FARP1: variants seen among roughly 807,000 people sequenced by gnomAD.
The protein encoded by FARP1 is FERM, ARHGEF and pleckstrin domain-containing protein 1.
FARP1 carries 52 observed loss-of-function variants against 128.8 expected under a neutral mutation model. The ratio of observed to expected loss-of-function variants is 0.40; its 90% confidence interval spans 0.32 to 0.51. FARP1 has a LOEUF of 0.51. Ranked by LOEUF, FARP1 falls within the 20% of genes least tolerant of loss-of-function variation. The pLI, the probability that FARP1 is intolerant of heterozygous loss-of-function variation, is 0.45. For missense variants in FARP1, 1,333 were observed against 1,367.9 expected, an observed-to-expected ratio of 0.97 and a Z score of 0.40; for synonymous variants, 580 against 551.8, an observed-to-expected ratio of 1.05 and a Z score of -0.72.
rs1000985413 is a variant in FARP1, at chr13:98,343,880, A to G, written c.276+14A>G. 10 of 1,502,142 alleles carry G rather than the reference A, an allele frequency of 6.7e-6. No homozygotes were observed. The African/African-American group carries it at 8.3e-5, about 12-fold the overall frequency. The allele number at this position is 1,502,142 out of a possible 1,614,324, so 93.1% of individuals were successfully genotyped here. ...AAAAAGATCACGGTAGGTGATGTCA[A>G]CTTAATGTTACTATTTTACTGTCTG... On this transcript the variant is annotated intron_variant, in intron 3 of 26. Transcript: ENST00000319562.
chr13:98,370,453 ATGG>A (rs1889277960), intron 5 of FARP1, among the ~76,000 whole-genome samples: 1 of 151,258 alleles, frequency 6.6e-6, no homozygotes, highest in Non-Finnish European at 1.5e-5. Context: ...AGCAGTAGAA[ATGG>A]AGGCAAGTAG....
chr13:98,419,013 T>C (rs1891491426), intron 16 of FARP1, among the ~76,000 whole-genome samples: 2 of 152,138 alleles, frequency 1.3e-5, no homozygotes, highest in African/African-American at 4.8e-5. Context: ...AGGGCTTCTG[T>C]CTTCTGTGTT....
At chr13:98,443,482 C>G (rs1892614997) in intron 24 of FARP1, among the ~76,000 whole-genome samples, 1 of 152,246 alleles carries the variant, frequency 6.6e-6, no homozygotes, top group Non-Finnish European at 1.5e-5. Context: ...CTCCTCCCTG[C>G]ATGACAGGAC....
At chr13:98,362,281 C>T (rs1450694851) in intron 3 of FARP1, among the ~76,000 whole-genome samples, 1 of 152,108 alleles carries the variant, frequency 6.6e-6, no homozygotes, top group Non-Finnish European at 1.5e-5. Context: ...TGAACAATAC[C>T]CTTACCTGAT....
intron 2 of FARP1, among the ~76,000 whole-genome samples, chr13:98,336,168 A>G (rs1172855564): frequency 6.6e-6 from 1 of 152,212 alleles, no homozygotes; most frequent in African/African-American, 2.4e-5. Context: ...TAGAAAAGAA[A>G]ACAAAACATA....
At chr13:98,183,717 T>TGTGG (rs1475487068) in intron 1 of FARP1, among the ~76,000 whole-genome samples, 1 of 152,150 alleles carries the variant, frequency 6.6e-6, no homozygotes, top group Non-Finnish European at 1.5e-5. Context: ...CAAAAACTGG[T>TGTGG]GTGGGGTATG....
intron 17 of FARP1, among the ~76,000 whole-genome samples, chr13:98,427,048 G>A (rs1891815482): frequency 6.6e-6 from 1 of 152,066 alleles, no homozygotes; most frequent in East Asian, 1.9e-4. Context: ...AACCAATACT[G>A]ACAAGGTTGA....
intron 1 of FARP1, among the ~76,000 whole-genome samples, chr13:98,146,960 A>G (rs1433413197): frequency 6.6e-6 from 1 of 152,188 alleles, no homozygotes; most frequent in Non-Finnish European, 1.5e-5. Flanking sequence ...CAACTTAGGT[A>G]GGCTGTTACC....
At chr13:98,327,943 G>T (rs1233651413) in intron 2 of FARP1, among the ~76,000 whole-genome samples, 1 of 152,076 alleles carries the variant, frequency 6.6e-6, no homozygotes, top group Non-Finnish European at 1.5e-5. Flanking sequence ...AGCTATGGGG[G>T]AGTCATGAAT....
intron 6 of FARP1, 97 bp downstream of exon 6, chr13:98,378,015 A>G: frequency 1.1e-6 from 1 of 935,052 alleles, no homozygotes; most frequent in Non-Finnish European, 1.7e-6. Context: ...AGAAAGTGTC[A>G]ATGTTTTTGT....
At chr13:98,426,551 C>T (rs1255408091) in intron 17 of FARP1, among the ~76,000 whole-genome samples, 6 of 152,092 alleles carry the variant, frequency 3.9e-5, no homozygotes, top group African/African-American at 7.2e-5. Flanking sequence ...GGAGGATGGT[C>T]GGTGAGTAGC....
chr13:98,443,326 G>C (rs1892605709), intron 24 of FARP1, among the ~76,000 whole-genome samples: 1 of 152,168 alleles, frequency 6.6e-6, no homozygotes, highest in African/African-American at 2.4e-5. Flanking sequence ...CAGGGACCTG[G>C]GCTGCTCTAT....
At chr13:98,210,630 A>G (rs1880638375) in intron 1 of FARP1, among the ~76,000 whole-genome samples, 1 of 150,786 alleles carries the variant, frequency 6.6e-6, no homozygotes, top group South Asian at 2.1e-4. Context: ...GCTCACTGCA[A>G]CCTCCGCCTT....
At chr13:98,281,414 CA>C (rs1292096719) in intron 2 of FARP1, among the ~76,000 whole-genome samples, 1 of 152,006 alleles carries the variant, frequency 6.6e-6, no homozygotes, top group East Asian at 1.9e-4. Flanking sequence ...TTTAAGAAGG[CA>C]TAGCTTTTTA....
intron 19 of FARP1, chr13:98,437,897 T>G: frequency 7.8e-7 from 1 of 1,278,866 alleles, no homozygotes; most frequent in Non-Finnish European, 1.1e-6. Flanking sequence ...TAAGCTCAGA[T>G]GATCCCCTGA....
rs139439471 is a variant in FARP1 at position 98,431,075 on chromosome 13, G to A, written c.1938G>A (p.Glu646=). 2.5e-6 allele frequency: 4 copies of A among 1,614,120 alleles called. No individual in the cohort carries two copies. Among genetic ancestry groups the A allele is most frequent in the African/African-American group, 1.3e-5 (1 of 75,050 alleles). The change falls in exon 18 of 27, where the codon GAG becomes GAA. Residue 646 remains glutamate, a synonymous_variant. Coordinates refer to ENST00000319562, the MANE Select transcript of FARP1 (RefSeq NM_005766.4). ...HLAAHLWKHS[E]ALEALENGIK... ...CGGCTCACCTGTGGAAGCACAGCGA[G>A]GCCTTGGAGGCCCTGGAGAATGGAA...
intron 2 of FARP1, among the ~76,000 whole-genome samples, chr13:98,312,355 G>A (rs1886511564): frequency 6.6e-6 from 1 of 151,926 alleles, no homozygotes; most frequent in Admixed American, 6.6e-5. Context: ...TAGCCAGGAT[G>A]GTCTCAATCT....
intron 1 of FARP1, among the ~76,000 whole-genome samples, chr13:98,153,330 A>ATATT (rs71120310): frequency 0.81 from 104,781 of 129,876 alleles, 42,683 homozygotes; most frequent in African/African-American, 0.85. Flanking sequence ...TAAATAATAT[A>ATATT]ATATATAAAA....
intron 2 of FARP1, among the ~76,000 whole-genome samples, chr13:98,293,014 G>A (rs1034422076): frequency 2.0e-5 from 3 of 151,960 alleles, no homozygotes; most frequent in African/African-American, 7.3e-5. Context: ...ATAAAATGTA[G>A]GAAAGAAAGG....
Sources: allele counts gnomAD v4.1 joint callset (sites outside exome capture counted in the v4.1 genomes callset), GRCh38; gene constraint gnomAD v4.1.1; transcripts MANE v1.5; gene names NCBI Gene and HGNC (gene_info 2026-07-23, HGNC 2026-07-21).